VGLL4: variants seen among roughly 807,000 people sequenced by gnomAD.
VGLL4 encodes vestigial like family member 4, also known as transcription cofactor vestigial-like protein 4.
In VGLL4, 7 loss-of-function variants were observed where a neutral mutation model predicts 21.0. The observed-to-expected ratio is 0.33, with a 90% confidence interval of 0.19 to 0.63. VGLL4 has a LOEUF of 0.63. Among genes scored for constraint, VGLL4 ranks in the 20% least tolerant of loss-of-function variants. VGLL4 has a pLI of 0.78. For synonymous variants in VGLL4, 222 were observed against 173.2 expected (o/e 1.28, Z -2.21); for missense variants, 394 against 425.7 (o/e 0.93, Z 0.66).
chr3:11,658,024 TTAAAAA>T (rs10587020), intron 2 of VGLL4, among the ~76,000 whole-genome samples: 1 of 80 alleles, frequency 0.013, no homozygotes, highest in Non-Finnish European at 0.022. Flanking sequence ...CTCCGGGACT[TTAAAAA>T]AGGCGATCCT....
intron 1 of VGLL4, among the ~76,000 whole-genome samples, chr3:11,616,061 G>A (rs1295354716): frequency 6.6e-6 from 1 of 151,908 alleles, no homozygotes; most frequent in African/African-American, 2.4e-5. Context: ...TTGGATTGCC[G>A]GAGTAAAGGC....
At chr3:11,690,561 G>C (rs1009115237) in intron 2 of VGLL4, among the ~76,000 whole-genome samples, 4 of 151,810 alleles carry the variant, frequency 2.6e-5, no homozygotes, top group African/African-American at 9.7e-5. Flanking sequence ...TAGGCCTCTT[G>C]AATTCATTTT....
chr3:11,588,467 T>C (rs1455410917), intron 2 of VGLL4, among the ~76,000 whole-genome samples: 5 of 152,058 alleles, frequency 3.3e-5, no homozygotes, highest in Non-Finnish European at 7.4e-5. Context: ...CAGACGCCCA[T>C]GGAGATGGGC....
At chr3:11,607,652 T>G (rs1040563725) in intron 1 of VGLL4, among the ~76,000 whole-genome samples, 4 of 152,220 alleles carry the variant, frequency 2.6e-5, no homozygotes, top group Non-Finnish European at 5.9e-5. Flanking sequence ...ATAAGCAGTA[T>G]AAGGCTCCAA....
chr3:11,574,787 G>GTGTA (rs1553723628), intron 2 of VGLL4, among the ~76,000 whole-genome samples: 41 of 61,020 alleles, frequency 6.7e-4, no homozygotes, highest in African/African-American at 3.3e-3. Flanking sequence ...AACTATATAT[G>GTGTA]TGTGTGTGTG....
At chr3:11,647,293 G>A (rs1575492226), upstream of VGLL4, among the ~76,000 whole-genome samples, 1 of 151,872 alleles carries the variant, frequency 6.6e-6, no homozygotes, top group Non-Finnish European at 1.5e-5. Flanking sequence ...TGTGCAGGAC[G>A]TCTCTTCTTT....
intron 2 of VGLL4, among the ~76,000 whole-genome samples, chr3:11,654,592 A>G (rs1449962768): frequency 6.6e-6 from 1 of 152,260 alleles, no homozygotes; most frequent in African/African-American, 2.4e-5. Flanking sequence ...GTATGAGAAA[A>G]AGATCATTTG....
intron 3 of VGLL4, among the ~76,000 whole-genome samples, chr3:11,559,957 C>T (rs573387862): frequency 2.6e-5 from 4 of 152,120 alleles, no homozygotes; most frequent in African/African-American, 9.7e-5. Context: ...ACCTACAAAT[C>T]GGGACAGAGA....
Position 11,719,548 on chromosome 3 carries a change from G to GC in VGLL4, c.-14+845dup, listed in dbSNP as rs2076964886. 6.6e-6 allele frequency: 1 copy of GC among 150,806 alleles called. No homozygotes were observed. The highest frequency in any genetic ancestry group is 1.5e-5 in the Non-Finnish European group (1 of 67,274). 9.3% of individuals were successfully genotyped at this position (150,806 alleles called of 1,614,324 possible). On this transcript the variant is annotated intron_variant, in intron 1 of 5. Transcript: ENST00000273038. This position sits in a 1 kb window ranked among gnomAD's most constrained non-coding sequence, Gnocchi z 4.0. ...GACGCACAGGCGGGCTCGCGCCCGA[G>GC]CCCCCGCACGGGCCCCCGCCAAACA...
At chr3:11,715,544 G>C (rs1442656499) in intron 1 of VGLL4, among the ~76,000 whole-genome samples, 1 of 152,066 alleles carries the variant, frequency 6.6e-6, no homozygotes, top group Admixed American at 6.5e-5. Flanking sequence ...ATGTTGGCCA[G>C]GCTGGTCTCA....
chr3:11,665,889 G>A (rs895627483), intron 2 of VGLL4, among the ~76,000 whole-genome samples: 2 of 152,196 alleles, frequency 1.3e-5, no homozygotes, highest in Non-Finnish European at 2.9e-5. Flanking sequence ...AAGAGACAAG[G>A]AAGGCTGCTC....
At chr3:11,573,030 G>A (rs2073835155) in intron 2 of VGLL4, among the ~76,000 whole-genome samples, 2 of 151,842 alleles carry the variant, frequency 1.3e-5, no homozygotes, top group Admixed American at 1.3e-4. Flanking sequence ...GCTGGGCTTG[G>A]TGGTGGGCGC....
rs1314517035 is a variant in VGLL4 at position 11,568,615 on chromosome 3, C to T, written c.273-3596G>A. ...TTATACATTACTCACATTTCCAGCT[C>T]ATTTTCCTGGTTCCCGGAGCTTCAA... On this transcript the variant is annotated intron_variant, in intron 2 of 4. Coordinates refer to ENST00000430365, the MANE Select transcript of VGLL4 (RefSeq NM_001128219.3). The surrounding 1 kb of genome is among the most constrained non-coding windows in gnomAD (Gnocchi z 5.9). 1 of 1,569,442 alleles carries T rather than the reference C, an allele frequency of 6.4e-7. No individual in the cohort carries two copies. The highest frequency in any genetic ancestry group is 8.7e-7 in the Non-Finnish European group (1 of 1,155,500).
At position 11,673,890 on chromosome 3, in the gene VGLL4, T is replaced by C. The variant is rs115494377; in HGVS notation, c.64+29081A>G. On this transcript the variant is annotated intron_variant, in intron 2 of 5. Transcript: ENST00000273038. ...TAGCTGGGCGTGGTAGCGGCGCCTA[T>C]AATCCCAGCAACTCAGGAGGCTGAG... Among the ~76,000 whole-genome samples the C allele has an allele frequency of 6.4e-3, 976 of 151,454 alleles. 5 individuals carry two copies. Among genetic ancestry groups the C allele is most frequent in the African/African-American group, 0.02 (835 of 41,292 alleles).
intron 2 of VGLL4, chr3:11,693,308 A>G (rs2076559091): frequency 6.5e-6 from 1 of 154,844 alleles, no homozygotes; most frequent in Admixed American, 6.5e-5. Flanking sequence ...TGTTTAATAA[A>G]TTAATTCCTT....
At chr3:11,628,551 T>G (rs911874282) in intron 1 of VGLL4, among the ~76,000 whole-genome samples, 2 of 152,216 alleles carry the variant, frequency 1.3e-5, no homozygotes, top group Non-Finnish European at 2.9e-5. Context: ...CCGGGCGCGG[T>G]GGCTCACGCC....
chr3:11,685,047 C>T (rs1044119456), intron 2 of VGLL4, among the ~76,000 whole-genome samples: 1 of 152,078 alleles, frequency 6.6e-6, no homozygotes. Flanking sequence ...GAGTTCTCAT[C>T]ATTTAGCTCC....
Position 11,613,912 on chromosome 3 carries a change from G to A in VGLL4, c.83-11890C>T, listed in dbSNP as rs73814929. Among the ~76,000 whole-genome samples, 1,084 of 152,294 alleles carry A rather than the reference G, an allele frequency of 7.1e-3. 14 individuals are homozygous for A. Among genetic ancestry groups the A allele is most frequent in the African/African-American group, 0.025 (1,021 of 41,560 alleles). ...CCTCGAATACAGTCAGCCACTAGCC[G>A]ATGGAAGGGGTCAGGAGACACAGTA... On this transcript the variant is annotated intron_variant, in intron 1 of 4. Transcript: ENST00000430365.
At chr3:11,708,850 G>T (rs184040724) in intron 1 of VGLL4, among the ~76,000 whole-genome samples, 193 of 151,296 alleles carry the variant, frequency 1.3e-3, no homozygotes, top group Admixed American at 6.4e-3. Context: ...TCACTTGAGG[G>T]TGGGGGTTCG....
Sources: allele counts gnomAD v4.1 joint callset (sites outside exome capture counted in the v4.1 genomes callset), GRCh38; gene constraint gnomAD v4.1.1; non-coding constraint Gnocchi (gnomAD v3.1); transcripts MANE v1.5; gene names NCBI Gene and HGNC (gene_info 2026-07-23, HGNC 2026-07-21).